Variants in HECTD4 observed in about 807,000 individuals in gnomAD.
HECTD4 encodes the protein HECT domain E3 ubiquitin protein ligase 4, also known as probable E3 ubiquitin-protein ligase HECTD4.
Under a neutral mutation model 471.5 loss-of-function variants are expected in HECTD4, and 114 were observed. The observed-to-expected ratio is 0.24, with a 90% confidence interval of 0.21 to 0.28. The LOEUF is 0.28. HECTD4 is among the 10% of genes least tolerant of loss of function. The pLI is 1.00. For synonymous variants in HECTD4, 2,012 were observed against 2,256.0 expected, an observed-to-expected ratio of 0.89 and a Z score of 3.07; for missense variants, 3,866 against 5,651.5, an observed-to-expected ratio of 0.68 and a Z score of 10.13.
At chr12:112,275,097 G>C (rs1267903917) in intron 9 of HECTD4, 137 bp from the exon 10 acceptor site, 30 of 563,720 alleles carry the variant, frequency 5.3e-5, no homozygotes, top group Non-Finnish European at 9.2e-5. Context: ...TGGTGGTAAA[G>C]AGATGGAGAA....
chr12:112,306,525 T>G (rs2035274091), intron 6 of HECTD4, among the ~76,000 whole-genome samples: 1 of 152,210 alleles, frequency 6.6e-6, no homozygotes, highest in Non-Finnish European at 1.5e-5. Context: ...CTAAACACTT[T>G]GAATCTGTTA....
At chr12:112,182,826 C>T (rs1261546967) in intron 62 of HECTD4, among the ~76,000 whole-genome samples, 2 of 152,246 alleles carry the variant, frequency 1.3e-5, no homozygotes, top group Non-Finnish European at 2.9e-5. Context: ...CAAAGATGCA[C>T]ATAACCAGCC....
chr12:112,296,553 G>A (rs1261443239), intron 7 of HECTD4, among the ~76,000 whole-genome samples: 2 of 151,650 alleles, frequency 1.3e-5, no homozygotes, highest in Admixed American at 6.6e-5. Context: ...TTGGACGTAG[G>A]TGCAAAGGGT....
chr12:112,230,139 T>C (rs977931114), intron 40 of HECTD4, among the ~76,000 whole-genome samples: 3 of 152,224 alleles, frequency 2.0e-5, no homozygotes, highest in African/African-American at 7.2e-5. Flanking sequence ...ATCATTTATC[T>C]GAAGGAAAAC....
At chr12:112,361,865 G>C (rs2036456099) in intron 1 of HECTD4, among the ~76,000 whole-genome samples, 1 of 152,070 alleles carries the variant, frequency 6.6e-6, no homozygotes, top group Non-Finnish European at 1.5e-5. Flanking sequence ...CTACAATATA[G>C]TACTTTACAT....
chr12:112,284,773 CCTT>C (rs1371763749), intron 7 of HECTD4, among the ~76,000 whole-genome samples: 1 of 152,120 alleles, frequency 6.6e-6, no homozygotes, highest in African/African-American at 2.4e-5. Context: ...TCACTGCCAT[CCTT>C]CTTGGGATTC....
chr12:112,308,696 G>T, intron 6 of HECTD4, 57 bp downstream of exon 6: 1 of 1,430,552 alleles, frequency 7.0e-7, no homozygotes, highest in East Asian at 2.5e-5. Context: ...GATGATATAG[G>T]AACTTTCTTT....
intron 48 of HECTD4, 82 bp downstream of exon 48, chr12:112,216,210 A>T: frequency 1.1e-6 from 1 of 918,182 alleles, no homozygotes; most frequent in Admixed American, 2.3e-5. Context: ...CAATTGCTAA[A>T]TTTATTCAAC....
intron 7 of HECTD4, among the ~76,000 whole-genome samples, chr12:112,297,504 G>A (rs2035066476): frequency 6.6e-6 from 1 of 151,964 alleles, no homozygotes; most frequent in Non-Finnish European, 1.5e-5. Context: ...ACATTTTGAA[G>A]ATAGAGCAGA....
At chr12:112,380,313 C>T (rs1173176443) in intron 1 of HECTD4, among the ~76,000 whole-genome samples, 4 of 151,890 alleles carry the variant, frequency 2.6e-5, no homozygotes, top group African/African-American at 9.7e-5. Context: ...GGCATGGTGG[C>T]GCGTGCCTGT....
Position 112,269,012 on chromosome 12 carries a change from C to A in HECTD4, c.2321+692G>T, listed in dbSNP as rs1593994301. Reference sequence around the variant, plus strand: ...GCCTCAGCCTCCCGTGTAGCTGGGACTACAGGAGCGCGCCACCATGCCCGG... The same window carrying A: ...GCCTCAGCCTCCCGTGTAGCTGGGAATACAGGAGCGCGCCACCATGCCCGG... On this transcript the variant is annotated intron_variant, in intron 13 of 75. Transcript: ENST00000682272. Among the ~76,000 whole-genome samples, 6 of 149,654 alleles carry A rather than the reference C, an allele frequency of 4.0e-5. No homozygotes were observed. The South Asian group carries it at 1.3e-3, about 32-fold the overall frequency.
chr12:112,277,247 C>A (rs577002342), intron 9 of HECTD4, among the ~76,000 whole-genome samples: 7 of 152,090 alleles, frequency 4.6e-5, no homozygotes, highest in Non-Finnish European at 8.8e-5. Context: ...TATAATTCAA[C>A]CATAAAAAGT....
At chr12:112,342,764 T>C (rs1246882169) in intron 1 of HECTD4, among the ~76,000 whole-genome samples, 1 of 152,220 alleles carries the variant, frequency 6.6e-6, no homozygotes, top group Non-Finnish European at 1.5e-5. Flanking sequence ...AAACCACGTA[T>C]GCCAAATTAT....
chr12:112,372,400 C>T (rs1036654180), intron 1 of HECTD4, among the ~76,000 whole-genome samples: 2 of 152,126 alleles, frequency 1.3e-5, no homozygotes, highest in African/African-American at 4.8e-5. Flanking sequence ...GCTGGGACTA[C>T]AGGTGCCCGC....
chr12:112,219,334 C>T, intron 45 of HECTD4, 52 bp downstream of exon 45: 1 of 1,307,354 alleles, frequency 7.6e-7, no homozygotes, highest in Non-Finnish European at 1.1e-6. Flanking sequence ...TGGCCTTACT[C>T]AGTGATGTGT....
At chr12:112,285,651 G>A (rs1306227199) in intron 7 of HECTD4, among the ~76,000 whole-genome samples, 1 of 152,010 alleles carries the variant, frequency 6.6e-6, no homozygotes, top group African/African-American at 2.4e-5. Flanking sequence ...ATACTCGATT[G>A]CTTGCTGAAT....
chr12:112,270,202 AT>A, intron 12 of HECTD4, 24 bp downstream of exon 12: 1 of 1,586,042 alleles, frequency 6.3e-7, no homozygotes. Flanking sequence ...CTATCATCTT[AT>A]TTATTTCAAA....
chr12:112,313,338 A>G (rs2035408653), intron 3 of HECTD4, among the ~76,000 whole-genome samples, 191 bp from the exon 4 acceptor site: 1 of 151,614 alleles, frequency 6.6e-6, no homozygotes, highest in African/African-American at 2.4e-5. Context: ...TTTTTGAGAC[A>G]GAGTCTCGCT....
At chr12:112,360,988 A>G (rs1029896016) in intron 1 of HECTD4, among the ~76,000 whole-genome samples, 5 of 151,814 alleles carry the variant, frequency 3.3e-5, no homozygotes, top group African/African-American at 1.2e-4. Flanking sequence ...CCGTCTCAAA[A>G]AAAAAAAAAA....
Sources: gnomAD v4.1 joint callset for allele counts (sites outside exome capture counted in the v4.1 genomes callset) on GRCh38, gnomAD v4.1.1 for gene constraint, MANE v1.5 for transcripts, NCBI Gene and HGNC (gene_info 2026-07-23, HGNC 2026-07-21) for gene names.